The following CD247 variants were observed in gnomAD, a reference collection of about 807,000 sequenced individuals.
CD247 encodes the protein T-cell surface glycoprotein CD3 zeta chain.
In CD247, 13 loss-of-function variants were observed where a neutral mutation model predicts 30.0. The ratio of observed to expected loss-of-function variants is 0.43; its 90% CI spans 0.28 to 0.69. CD247 has a LOEUF of 0.69. Ranked by LOEUF, CD247 falls within the 30% of genes least tolerant of loss-of-function variation. The pLI is 0.16. For synonymous variants in CD247, 72 were observed against 80.0 expected, an observed-to-expected ratio of 0.90 and a Z score of 0.53; for missense variants, 193 against 212.6, an observed-to-expected ratio of 0.91 and a Z score of 0.57.
At chr1:167,515,200 T>C (rs1167499029) in intron 1 of CD247, among the ~76,000 whole-genome samples, 1 of 152,226 alleles carries the variant, frequency 6.6e-6, no homozygotes, top group African/African-American at 2.4e-5. Context: ...TGGTATCACT[T>C]AAAAGCTTGC....
intron 1 of CD247, among the ~76,000 whole-genome samples, chr1:167,507,560 G>T (rs566989914): frequency 6.6e-6 from 1 of 152,036 alleles, no homozygotes; most frequent in African/African-American, 2.4e-5. Context: ...AATAGGCAGC[G>T]TGGTGGCTTA....
chr1:167,444,960 C>T (rs893501338), intron 1 of CD247, among the ~76,000 whole-genome samples: 4 of 151,200 alleles, frequency 2.6e-5, no homozygotes, highest in African/African-American at 7.3e-5. Context: ...GAGTCTCACT[C>T]TGTTGCCCAG....
At chr1:167,516,901 A>T (rs1655629076) in intron 1 of CD247, among the ~76,000 whole-genome samples, 2 of 152,034 alleles carry the variant, frequency 1.3e-5, no homozygotes, top group African/African-American at 4.8e-5. Context: ...CTTTGCCCCT[A>T]CCTTGGTCTC....
chr1:167,497,339 A>G (rs916103599), intron 1 of CD247, among the ~76,000 whole-genome samples: 5 of 152,166 alleles, frequency 3.3e-5, no homozygotes, highest in African/African-American at 1.2e-4. Context: ...GTTTTCCCCA[A>G]TAAGTATGCT....
chr1:167,484,064 C>T (rs371085515), intron 1 of CD247, among the ~76,000 whole-genome samples: 9 of 152,310 alleles, frequency 5.9e-5, no homozygotes, highest in African/African-American at 2.2e-4. Flanking sequence ...TGGGCCAGGC[C>T]GGGGGCCGTG....
chr1:167,509,094 C>T (rs373141021), intron 1 of CD247, among the ~76,000 whole-genome samples: 4 of 152,100 alleles, frequency 2.6e-5, no homozygotes, highest in Non-Finnish European at 5.9e-5. Context: ...TGGCTGGGCG[C>T]GGTGGCTCAT....
Position 167,502,427 on chromosome 1 carries a change from T to C in CD247, c.58+15981A>G, listed in dbSNP as rs956340573. On this transcript the variant is annotated intron_variant, in intron 1 of 7. Transcript: ENST00000362089. ...ACTTGTTACACTGTGCTAGGGAAGG[T>C]TCACAATCTGTCTGTACCTCTGAGG... Among the ~76,000 whole-genome samples the C allele has an allele frequency of 2.6e-4, 39 of 152,206 alleles. 1 individual carries two copies. The highest frequency in any genetic ancestry group is 5.9e-5 in the Non-Finnish European group (4 of 68,042).
At position 167,484,712 on chromosome 1, in the gene CD247, G is replaced by A. The variant is rs190562112; in HGVS notation, c.58+33696C>T. 8.9e-4 allele frequency among the ~76,000 whole-genome samples: 136 copies of A among 152,364 alleles called. 3 individuals carry two copies. In the East Asian group the frequency reaches 0.02, roughly 22 times the overall value. On this transcript the variant is annotated intron_variant, in intron 1 of 7. Transcript: ENST00000362089. ...GAATCACTTGAACCCGGGAGGCAGA[G>A]GTTGCAGTGAGCCGAGATCGCGCCA...
intron 1 of CD247, among the ~76,000 whole-genome samples, chr1:167,464,021 GAC>G (rs1653133760): frequency 6.6e-6 from 1 of 152,272 alleles, no homozygotes; most frequent in South Asian, 2.1e-4. Flanking sequence ...TGGCTAATAA[GAC>G]ACATGCCTTT....
intron 1 of CD247, among the ~76,000 whole-genome samples, chr1:167,468,010 C>T (rs1274989033): frequency 6.6e-6 from 1 of 152,078 alleles, no homozygotes; most frequent in African/African-American, 2.4e-5. Context: ...TAAATTCTAG[C>T]TCATGAAAAC....
intron 1 of CD247, among the ~76,000 whole-genome samples, chr1:167,513,039 C>T (rs1250722613): frequency 3.3e-5 from 5 of 152,144 alleles, no homozygotes; most frequent in African/African-American, 1.2e-4. Context: ...AAGAAAGTAA[C>T]AAAAGCTACA....
rs186187130 is a variant in CD247, at chr1:167,497,690, G to A, written c.58+20718C>T. ...GCACTGGGCTGAGAGTCAGTCCTGG[G>A]TTACAGAGCTAGAACCGCAAACTCT... is the stretch of plus-strand genomic sequence containing the variant. On this transcript the variant is annotated intron_variant, in intron 1 of 7. Transcript: ENST00000362089. Among the ~76,000 whole-genome samples the A allele has an allele frequency of 1.1e-4, 16 of 152,298 alleles. No individual in the cohort carries two copies. In the East Asian group the frequency reaches 2.9e-3, roughly 28 times the overall value.
At chr1:167,436,017 C>T (rs531833808) in intron 4 of CD247, among the ~76,000 whole-genome samples, 2 of 152,356 alleles carry the variant, frequency 1.3e-5, no homozygotes, top group African/African-American at 4.8e-5. Flanking sequence ...TCTGGCAGCA[C>T]TGCCCTTACA....
intron 1 of CD247, among the ~76,000 whole-genome samples, chr1:167,481,579 T>G (rs1205000907): frequency 6.6e-6 from 1 of 152,208 alleles, no homozygotes; most frequent in East Asian, 1.9e-4. Context: ...CTGATCATTT[T>G]GTGTGAAATG....
intron 1 of CD247, among the ~76,000 whole-genome samples, chr1:167,482,683 C>G (rs557394820): frequency 1.9e-4 from 29 of 152,296 alleles, no homozygotes; most frequent in African/African-American, 6.5e-4. Flanking sequence ...CATGGAGGAC[C>G]ATGGAGTGAC....
At chr1:167,485,639 C>T (rs1038410363) in intron 1 of CD247, among the ~76,000 whole-genome samples, 2 of 152,056 alleles carry the variant, frequency 1.3e-5, no homozygotes, top group African/African-American at 4.8e-5. Context: ...GCTAGGCTCC[C>T]GTGGGGAGGG....
intron 1 of CD247, among the ~76,000 whole-genome samples, chr1:167,461,235 T>A (rs7515131): frequency 0.037 from 5,646 of 152,320 alleles, 230 homozygotes; most frequent in East Asian, 0.14. Flanking sequence ...TCTTCTCTTT[T>A]TCTCTCTGTT....
intron 1 of CD247, chr1:167,448,468 T>C (rs1015112113): frequency 1.2e-5 from 12 of 985,242 alleles, no homozygotes; most frequent in East Asian, 1.1e-4. Context: ...CTTTCTTTCA[T>C]TGAGGGCTGA....
intron 1 of CD247, among the ~76,000 whole-genome samples, chr1:167,470,293 T>C (rs569203761): frequency 6.6e-6 from 1 of 152,198 alleles, no homozygotes; most frequent in East Asian, 1.9e-4. Flanking sequence ...TCTCCTGAAA[T>C]CCAGACTCGA....
Sources: gnomAD v4.1 joint callset for allele counts (sites outside exome capture counted in the v4.1 genomes callset) on GRCh38, gnomAD v4.1.1 for gene constraint, MANE v1.5 for transcripts, NCBI Gene and HGNC (gene_info 2026-07-23, HGNC 2026-07-21) for gene names.